SNX29: variants seen among roughly 807,000 people sequenced by gnomAD.
The protein encoded by SNX29 is sorting nexin 29.
Under a neutral mutation model 102.1 loss-of-function variants are expected in SNX29, and 78 were observed. The observed-to-expected ratio is 0.76, with a 90% CI of 0.64 to 0.92. SNX29 has a LOEUF of 0.92. SNX29 is among the 40% of genes least tolerant of loss of function. The probability of loss-of-function intolerance (pLI) is 0.00; values close to 1 mark genes in which losing one functional copy is unlikely to be tolerated. For synonymous variants in SNX29, 580 were observed against 414.5 expected, an observed-to-expected ratio of 1.40 and a Z score of -4.85; for missense variants, 1,280 against 1,061.7, an observed-to-expected ratio of 1.21 and a Z score of -2.86.
chr16:12,200,610 A>G (rs1250019267), intron 14 of SNX29, among the ~76,000 whole-genome samples: 1 of 151,976 alleles, frequency 6.6e-6, no homozygotes, highest in Non-Finnish European at 1.5e-5. Flanking sequence ...AGCCTCCCAA[A>G]TAGCTGGGAT....
chr16:12,024,511 G>C (rs967732216), intron 3 of SNX29, among the ~76,000 whole-genome samples: 1 of 152,150 alleles, frequency 6.6e-6, no homozygotes, highest in African/African-American at 2.4e-5. Flanking sequence ...AAGGGCATAT[G>C]GGGAGGGTGT....
At position 12,428,860 on chromosome 16, in the gene SNX29, C is replaced by T. The variant is rs186782817; in HGVS notation, c.2037+25331C>T. 5.4e-4 allele frequency among the ~76,000 whole-genome samples: 83 copies of T among 152,318 alleles called. No individual in the cohort carries two copies. The East Asian group carries it at 0.014, about 25-fold the overall frequency. The stretch of plus-strand genomic sequence containing the variant: ...ATATGAGTGCAATTAATATTTCCTT[C>T]TAGTTAGTCTCACCACACAGATACG... On this transcript the variant is annotated intron_variant, in intron 18 of 20. Transcript: ENST00000566228.
chr16:12,167,014 G>A (rs949965327), intron 13 of SNX29, among the ~76,000 whole-genome samples: 9 of 152,140 alleles, frequency 5.9e-5, no homozygotes, highest in Non-Finnish European at 1.2e-4. Flanking sequence ...GGGACTTTCT[G>A]TTACAGTCTT....
intron 16 of SNX29, among the ~76,000 whole-genome samples, chr16:12,360,200 A>G (rs946310026): frequency 5.3e-5 from 8 of 152,218 alleles, no homozygotes; most frequent in African/African-American, 1.4e-4. Context: ...AGTTAGCTCA[A>G]AAGAGTTTTC....
chr16:12,160,432 A>T (rs1466785366), intron 13 of SNX29, among the ~76,000 whole-genome samples: 1 of 152,228 alleles, frequency 6.6e-6, no homozygotes, highest in Non-Finnish European at 1.5e-5. Flanking sequence ...AGCCAGAAAA[A>T]TAGTCTTGTG....
intron 18 of SNX29, among the ~76,000 whole-genome samples, chr16:12,408,629 T>C (rs1242480888): frequency 1.3e-5 from 2 of 152,186 alleles, no homozygotes; most frequent in African/African-American, 4.8e-5. Context: ...AAGACCAGCC[T>C]GGTCAACATG....
intron 11 of SNX29, among the ~76,000 whole-genome samples, chr16:12,089,107 GGAGAGA>G (rs753818915): frequency 7.0e-6 from 1 of 142,740 alleles, no homozygotes; most frequent in Non-Finnish European, 1.5e-5. Context: ...AAGAAAGAGA[GGAGAGA>G]GAGAGAGAGA....
intron 18 of SNX29, among the ~76,000 whole-genome samples, chr16:12,451,061 G>A (rs1421723233): frequency 2.0e-5 from 3 of 152,174 alleles, no homozygotes; most frequent in Non-Finnish European, 2.9e-5. Context: ...AAGGGAGAAA[G>A]TACGTCTCCT....
At chr16:12,296,335 C>G (rs895003076) in intron 15 of SNX29, among the ~76,000 whole-genome samples, 4 of 152,212 alleles carry the variant, frequency 2.6e-5, no homozygotes, top group African/African-American at 9.6e-5. Flanking sequence ...AAGTAGAATG[C>G]TCTGCACCTG....
intron 16 of SNX29, among the ~76,000 whole-genome samples, chr16:12,360,181 A>G (rs757567233): frequency 4.6e-5 from 7 of 152,220 alleles, no homozygotes; most frequent in Non-Finnish European, 8.8e-5. Context: ...TCAGTGTTCA[A>G]TATTCTCCAG....
intron 18 of SNX29, among the ~76,000 whole-genome samples, chr16:12,427,654 G>C (rs1296727850): frequency 6.6e-6 from 1 of 152,218 alleles, no homozygotes; most frequent in Non-Finnish European, 1.5e-5. Context: ...AAAACGGCCA[G>C]AGACAATGCC....
chr16:12,010,738 ATTTGT>A (rs1222418404), intron 3 of SNX29, among the ~76,000 whole-genome samples: 4 of 145,268 alleles, frequency 2.8e-5, no homozygotes, highest in Non-Finnish European at 6.1e-5. Context: ...GAAAAGAATG[ATTTGT>A]TTTGGTGATT....
chr16:12,557,759 G>C lies in SNX29; in HGVS notation c.2319-10747G>C, dbSNP rs561417934. On this transcript the variant is annotated intron_variant, in intron 20 of 20. Coordinates refer to ENST00000566228, the MANE Select transcript of SNX29 (RefSeq NM_032167.5). ...GTGCACTGCATTGTGATGTCACTAA[G>C]CAACAGATATTTTTCAGCTCCATCA... 5 of 152,304 alleles carry C rather than the reference G, an allele frequency of 3.3e-5. No individual in the cohort carries two copies. The East Asian group carries it at 9.7e-4, about 29-fold the overall frequency. 9.4% of individuals were successfully genotyped at this position (152,304 alleles called of 1,614,324 possible). A position where few individuals can be genotyped will look rare whatever the true frequency, so the allele number is the denominator to read the frequency against.
At chr16:12,489,831 C>T (rs1012941394) in intron 19 of SNX29, among the ~76,000 whole-genome samples, 19 of 151,744 alleles carry the variant, frequency 1.3e-4, no homozygotes, top group African/African-American at 4.4e-4. Flanking sequence ...TTCGAGATTG[C>T]GTCTCACTCT....
chr16:12,373,786 G>A (rs1321980482), intron 16 of SNX29: 1 of 152,184 alleles, frequency 6.6e-6, no homozygotes, highest in African/African-American at 2.4e-5. Flanking sequence ...CTGAAATGAA[G>A]CATTCTGTGC....
intron 20 of SNX29, among the ~76,000 whole-genome samples, chr16:12,555,638 C>T (rs530393602): frequency 6.6e-6 from 1 of 152,148 alleles, no homozygotes; most frequent in African/African-American, 2.4e-5. Context: ...CTGAGTAACC[C>T]CACTGATGCC....
At chr16:12,516,879 C>T (rs2089890371) in intron 19 of SNX29, among the ~76,000 whole-genome samples, 1 of 152,194 alleles carries the variant, frequency 6.6e-6, no homozygotes, top group African/African-American at 2.4e-5. Context: ...GGGGCCTGAG[C>T]ATTGCTTCCA....
At chr16:12,566,807 G>A (rs757503723) in intron 20 of SNX29, among the ~76,000 whole-genome samples, 3 of 152,258 alleles carry the variant, frequency 2.0e-5, no homozygotes, top group Admixed American at 1.3e-4. Context: ...GCTCAGAGAT[G>A]ATTCAGAGCA....
At chr16:12,564,216 CCA>C (rs66981776) in intron 20 of SNX29, among the ~76,000 whole-genome samples, 44,607 of 151,736 alleles carry the variant, frequency 0.29, 6,908 homozygotes, top group East Asian at 0.44. Context: ...AGGGAGACCC[CCA>C]CATCTCTAAG....
Sources: gnomAD v4.1 joint callset for allele counts (sites outside exome capture counted in the v4.1 genomes callset) on GRCh38, gnomAD v4.1.1 for gene constraint, MANE v1.5 for transcripts, NCBI Gene and HGNC (gene_info 2026-07-23, HGNC 2026-07-21) for gene names.